The following ACSS3 variants were observed in gnomAD, a reference collection of about 807,000 sequenced individuals.
ACSS3 encodes acyl-CoA synthetase short chain family member 3, also known as acyl-CoA synthetase short-chain family member 3, mitochondrial.
A neutral mutation model predicts 84.2 loss-of-function variants in ACSS3; 64 were observed. That is an observed-to-expected ratio of 0.76 (90% CI 0.62 to 0.94). The LOEUF (loss-of-function observed/expected upper bound fraction) is 0.94. Ranked by LOEUF, ACSS3 falls within the 40% of genes least tolerant of loss-of-function variation. ACSS3 has a pLI of 0.00. For missense variants in ACSS3, 815 were observed against 867.6 expected (o/e 0.94, Z 0.76); for synonymous variants, 317 against 310.1 (o/e 1.02, Z -0.23).
At chr12:81,221,495 T>G (rs1049096059) in intron 11 of ACSS3, among the ~76,000 whole-genome samples, 1 of 152,106 alleles carries the variant, frequency 6.6e-6, no homozygotes, top group African/African-American at 2.4e-5. Flanking sequence ...GGTAGAGATA[T>G]TTTAACTATA....
At chr12:81,220,880 A>G (rs1324299569) in intron 11 of ACSS3, among the ~76,000 whole-genome samples, 1 of 152,006 alleles carries the variant, frequency 6.6e-6, no homozygotes, top group South Asian at 2.1e-4. Context: ...TTTGATGATT[A>G]TAAATAATAC....
chr12:81,083,429 C>A (rs1453623814), intron 1 of ACSS3, among the ~76,000 whole-genome samples: 1 of 149,952 alleles, frequency 6.7e-6, no homozygotes, highest in Non-Finnish European at 1.5e-5. Context: ...ATGATCTCTG[C>A]TCACTGCAAC....
At chr12:81,156,211 A>C (rs12318083) in intron 7 of ACSS3, among the ~76,000 whole-genome samples, 5,143 of 147,122 alleles carry the variant, frequency 0.035, 162 homozygotes, top group Admixed American at 0.091. Flanking sequence ...CACACACCCC[A>C]CACACACACA....
At chr12:81,234,605 T>C (rs1388657973) in intron 13 of ACSS3, among the ~76,000 whole-genome samples, 1 of 151,466 alleles carries the variant, frequency 6.6e-6, no homozygotes, top group Non-Finnish European at 1.5e-5. Context: ...CGGTGTGTAA[T>C]AGTATCTCAT....
chr12:81,103,848 A>C (rs1273227888), intron 1 of ACSS3, among the ~76,000 whole-genome samples: 1 of 152,146 alleles, frequency 6.6e-6, no homozygotes. Flanking sequence ...TGTATGTTTG[A>C]GGGTTTGGTT....
chr12:81,106,617 T>C (rs1883025610), intron 1 of ACSS3, among the ~76,000 whole-genome samples: 1 of 152,184 alleles, frequency 6.6e-6, no homozygotes, highest in Admixed American at 6.6e-5. Context: ...TCTAGAGGTA[T>C]ATAGTTTTTA....
At chr12:81,105,043 CTAGATATGATTTACTCAT>C (rs1323830553) in intron 1 of ACSS3, among the ~76,000 whole-genome samples, 1 of 152,006 alleles carries the variant, frequency 6.6e-6, no homozygotes, top group African/African-American at 2.4e-5. Flanking sequence ...CCCGAGATGT[CTAGATATGATTTACTCAT>C]TACACAAAGA....
intron 8 of ACSS3, among the ~76,000 whole-genome samples, chr12:81,186,658 G>A (rs2031273609): frequency 6.6e-6 from 1 of 151,766 alleles, no homozygotes. Context: ...ACCACTATGG[G>A]ATATCACCTC....
Position 81,078,288 on chromosome 12 carries a change from C to T in ACSS3, c.168C>T (p.Ser56=), listed in dbSNP as rs1311715101. The part of the protein sequence containing the change: ...LGGRGCRALS[S]GSGSEYKTHF... ...GCCGGGGATGCAGGGCACTGTCCTC[C>T]GGCAGTGGCAGCGAGTACAAGACCC... The change falls in exon 1 of 16, where the codon TCC becomes TCT. Residue 56 remains serine (S), a synonymous_variant. Coordinates refer to ENST00000548058, the MANE Select transcript of ACSS3 (RefSeq NM_024560.4). 1.2e-6 allele frequency: 2 copies of T among 1,611,844 alleles called. No homozygotes were observed. Among genetic ancestry groups the T allele is most frequent in the East Asian group, 2.2e-5 (1 of 44,822 alleles).
intron 11 of ACSS3, among the ~76,000 whole-genome samples, chr12:81,229,254 T>G (rs1007746574): frequency 7.2e-5 from 11 of 151,796 alleles, no homozygotes; most frequent in African/African-American, 2.4e-4. Context: ...TTGTCTCTTA[T>G]TTAATATGCA....
intron 2 of ACSS3, among the ~76,000 whole-genome samples, chr12:81,112,117 C>T (rs1883649165): frequency 6.6e-6 from 1 of 152,030 alleles, no homozygotes; most frequent in Admixed American, 6.6e-5. Flanking sequence ...TCCTGAAAAC[C>T]TATTATAATC....
intron 11 of ACSS3, among the ~76,000 whole-genome samples, chr12:81,223,330 A>C (rs544383172): frequency 1.3e-5 from 2 of 152,052 alleles, no homozygotes. Flanking sequence ...ACAATTTCTC[A>C]TTCTTCAGAT....
At chr12:81,110,827 G>T (rs1313620273) in intron 2 of ACSS3, among the ~76,000 whole-genome samples, 1 of 152,148 alleles carries the variant, frequency 6.6e-6, no homozygotes, top group Non-Finnish European at 1.5e-5. Flanking sequence ...GGAGGCATTT[G>T]CTTTGACATG....
intron 13 of ACSS3, among the ~76,000 whole-genome samples, chr12:81,246,400 G>C (rs1391998994): frequency 6.6e-6 from 1 of 152,098 alleles, no homozygotes; most frequent in Non-Finnish European, 1.5e-5. Context: ...GACACAGCAG[G>C]CTCTTAGGGC....
chr12:81,210,063 T>C (rs1359227960), intron 9 of ACSS3, among the ~76,000 whole-genome samples: 1 of 152,138 alleles, frequency 6.6e-6, no homozygotes, highest in African/African-American at 2.4e-5. Flanking sequence ...CAACTTCCTG[T>C]CTCATCCTGT....
At chr12:81,179,639 G>A (rs2030775915) in intron 8 of ACSS3, among the ~76,000 whole-genome samples, 1 of 151,946 alleles carries the variant, frequency 6.6e-6, no homozygotes, top group African/African-American at 2.4e-5. Context: ...GCGTGGTGGT[G>A]GGTGCCTGTA....
chr12:81,244,945 T>G (rs1173535706), intron 13 of ACSS3, among the ~76,000 whole-genome samples: 2 of 151,934 alleles, frequency 1.3e-5, no homozygotes, highest in Non-Finnish European at 2.9e-5. Flanking sequence ...GTGTGGTTTG[T>G]TATTTATTTT....
chr12:81,089,254 T>C (rs1465240572), intron 1 of ACSS3, among the ~76,000 whole-genome samples: 1 of 151,988 alleles, frequency 6.6e-6, no homozygotes. Context: ...TTTTATTTAC[T>C]TTTAAATACG....
At chr12:81,222,371 C>T (rs2033138389) in intron 11 of ACSS3, among the ~76,000 whole-genome samples, 1 of 152,022 alleles carries the variant, frequency 6.6e-6, no homozygotes, top group African/African-American at 2.4e-5. Flanking sequence ...TTCTCTCTCT[C>T]CTGCTCTCTC....
Sources: gnomAD v4.1 joint callset for allele counts (sites outside exome capture counted in the v4.1 genomes callset) on GRCh38, gnomAD v4.1.1 for gene constraint, MANE v1.5 for transcripts, NCBI Gene and HGNC (gene_info 2026-07-23, HGNC 2026-07-21) for gene names.